DNAJC6: variants seen among roughly 807,000 people sequenced by gnomAD.
DNAJC6 encodes the protein auxilin.
Under a neutral mutation model 110.0 loss-of-function variants are expected in DNAJC6, and 34 were observed. That is an observed-to-expected ratio of 0.31 (90% CI 0.24 to 0.41). The LOEUF (loss-of-function observed/expected upper bound fraction) is 0.41, where lower values mean the gene tolerates loss of function less well. Ranked by LOEUF, DNAJC6 falls within the 10% of genes least tolerant of loss-of-function variation. The pLI is 1.00. For synonymous variants in DNAJC6, 406 were observed against 437.2 expected (o/e 0.93, Z 0.89); for missense variants, 1,031 against 1,207.8 (o/e 0.85, Z 2.17).
At chr1:65,345,966 C>T (rs1218793703) in intron 1 of DNAJC6, among the ~76,000 whole-genome samples, 4 of 152,152 alleles carry the variant, frequency 2.6e-5, no homozygotes, top group Non-Finnish European at 5.9e-5. Flanking sequence ...GCTTTCTTTG[C>T]CCTAGAGACC....
At chr1:65,374,551 G>A (rs920848664) in intron 4 of DNAJC6, among the ~76,000 whole-genome samples, 1 of 151,936 alleles carries the variant, frequency 6.6e-6, no homozygotes, top group African/African-American at 2.4e-5. Flanking sequence ...ATTGGAAATG[G>A]CATTGGTTCC....
rs796797174 is a variant in DNAJC6, at chr1:65,380,916, G to GTTTTTTTT, written c.666+1396_666+1397insTTTTTTTT. On this transcript the variant is annotated intron_variant, in intron 5 of 18. Coordinates refer to ENST00000371069, the MANE Select transcript of DNAJC6 (RefSeq NM_001256864.2). ...TTTTTTTTTTTTTGTTTTTTGTTTT[G>GTTTTTTTT]TTTTGTTTTTTTTTTTTTTTTGGGA... Among the ~76,000 whole-genome samples, 56 of 93,520 alleles carry GTTTTTTTT rather than the reference G, an allele frequency of 6.0e-4. 1 individual carries two copies. The highest frequency in any genetic ancestry group is 2.7e-3 in the African/African-American group (41 of 15,046). The allele number at this position is 93,520 out of a possible 152,430, so 61.4% of individuals were successfully genotyped here.
intron 16 of DNAJC6, among the ~76,000 whole-genome samples, chr1:65,408,286 C>T (rs1165352837): frequency 6.6e-6 from 1 of 152,164 alleles, no homozygotes; most frequent in Non-Finnish European, 1.5e-5. Context: ...GCATGAATTT[C>T]AAGTACCAAA....
chr1:65,388,208 A>G, intron 8 of DNAJC6, 128 bp from the exon 9 acceptor site: 1 of 796,352 alleles, frequency 1.3e-6, no homozygotes, highest in Admixed American at 1.9e-5. Context: ...AGGTCATTTA[A>G]TATCCATAGT....
At chr1:65,408,128 G>A (rs1646094503) in intron 16 of DNAJC6, among the ~76,000 whole-genome samples, 1 of 152,160 alleles carries the variant, frequency 6.6e-6, no homozygotes. Flanking sequence ...AGGGAGTTGG[G>A]GTCCAAAGTC....
At chr1:65,341,748 A>C (rs1372899686) in intron 1 of DNAJC6, among the ~76,000 whole-genome samples, 1 of 149,660 alleles carries the variant, frequency 6.7e-6, no homozygotes, top group Non-Finnish European at 1.5e-5. Context: ...TGAACATGAG[A>C]GTCAAAGACA....
At chr1:65,403,124 A>G (rs1646044717) in intron 15 of DNAJC6, among the ~76,000 whole-genome samples, 1 of 152,258 alleles carries the variant, frequency 6.6e-6, no homozygotes, top group Non-Finnish European at 1.5e-5. Context: ...AATGTCAAAT[A>G]ATGAAAACAA....
chr1:65,270,534 C>T (rs1293109366), intron 1 of DNAJC6, among the ~76,000 whole-genome samples: 1 of 152,078 alleles, frequency 6.6e-6, no homozygotes, highest in Non-Finnish European at 1.5e-5. Context: ...CAGTCTGCAA[C>T]AATGAGATTG....
intron 5 of DNAJC6, among the ~76,000 whole-genome samples, chr1:65,381,261 A>C (rs772365449): frequency 1.3e-5 from 2 of 152,026 alleles, no homozygotes; most frequent in African/African-American, 4.8e-5. Flanking sequence ...AAAAATAATA[A>C]GCATAGTGGG....
intron 16 of DNAJC6, among the ~76,000 whole-genome samples, chr1:65,407,998 A>G (rs759125348): frequency 4.6e-5 from 7 of 152,228 alleles, no homozygotes; most frequent in Non-Finnish European, 7.3e-5. Flanking sequence ...CAAGTCCATA[A>G]GGTGAGTAAT....
At chr1:65,276,284 G>A (rs1449968133) in intron 1 of DNAJC6, among the ~76,000 whole-genome samples, 1 of 152,202 alleles carries the variant, frequency 6.6e-6, no homozygotes, top group Non-Finnish European at 1.5e-5. Context: ...TAACTTCAAT[G>A]TGTGGGCCAC....
chr1:65,284,892 TG>T (rs891776200), intron 1 of DNAJC6, among the ~76,000 whole-genome samples: 3 of 152,078 alleles, frequency 2.0e-5, no homozygotes, highest in Non-Finnish European at 2.9e-5. Flanking sequence ...TTCACCACGT[TG>T]GCCAGGCTGG....
intron 1 of DNAJC6, among the ~76,000 whole-genome samples, chr1:65,287,330 TA>T (rs1425280164): frequency 6.6e-6 from 1 of 152,188 alleles, no homozygotes; most frequent in Non-Finnish European, 1.5e-5. Flanking sequence ...ACAAGATTTT[TA>T]AAAATGGATA....
At chr1:65,284,546 G>A (rs1354834317) in intron 1 of DNAJC6, among the ~76,000 whole-genome samples, 1 of 152,098 alleles carries the variant, frequency 6.6e-6, no homozygotes, top group African/African-American at 2.4e-5. Context: ...GTTTTTATCA[G>A]TCTCCTCAAG....
At chr1:65,302,262 TATA>T (rs1385300627) in intron 1 of DNAJC6, among the ~76,000 whole-genome samples, 2 of 19,220 alleles carry the variant, frequency 1.0e-4, no homozygotes, top group African/African-American at 5.8e-4. Context: ...TAATATTATA[TATA>T]TTATATATTA....
intron 1 of DNAJC6, among the ~76,000 whole-genome samples, chr1:65,294,421 CT>C (rs902256651): frequency 6.6e-6 from 1 of 152,130 alleles, no homozygotes; most frequent in Non-Finnish European, 1.5e-5. Flanking sequence ...AAAAAAATCA[CT>C]TAATTTTTTT....
At chr1:65,302,523 CTT>C (rs1169755787) in intron 1 of DNAJC6, among the ~76,000 whole-genome samples, 1 of 85,336 alleles carries the variant, frequency 1.2e-5, no homozygotes, top group African/African-American at 5.2e-5. Context: ...CTCTTCCTTT[CTT>C]TTTTTTTTTT....
At chr1:65,373,287 C>T (rs1471263970) in intron 4 of DNAJC6, among the ~76,000 whole-genome samples, 2 of 151,984 alleles carry the variant, frequency 1.3e-5, no homozygotes, top group African/African-American at 4.8e-5. Flanking sequence ...GCTTTATATT[C>T]GATATATTGA....
intron 1 of DNAJC6, among the ~76,000 whole-genome samples, chr1:65,330,726 CAA>C (rs889737735): frequency 2.0e-4 from 31 of 152,324 alleles, no homozygotes; most frequent in African/African-American, 7.5e-4. Flanking sequence ...CTCGGCCTCC[CAA>C]AGTGTTGGGA....
Sources: allele counts gnomAD v4.1 joint callset (sites outside exome capture counted in the v4.1 genomes callset), GRCh38; gene constraint gnomAD v4.1.1; transcripts MANE v1.5; gene names NCBI Gene and HGNC (gene_info 2026-07-23, HGNC 2026-07-21).